The following JADE1 variants were observed in gnomAD, a reference collection of about 807,000 sequenced individuals.
JADE1 encodes the protein protein Jade-1.
In JADE1, 14 loss-of-function variants were observed where a neutral mutation model predicts 81.8. That is an observed-to-expected ratio of 0.17 (90% CI 0.11 to 0.27). JADE1 has a LOEUF of 0.27. JADE1 is among the 10% of genes least tolerant of loss of function. The pLI, the probability that JADE1 is intolerant of heterozygous loss-of-function variation, is 1.00. For missense variants in JADE1, 690 were observed against 1,047.9 expected, an observed-to-expected ratio of 0.66 and a Z score of 4.71; for synonymous variants, 353 against 391.9, an observed-to-expected ratio of 0.90 and a Z score of 1.17.
At chr4:128,813,343 A>T (rs1396156836) in intron 1 of JADE1, among the ~76,000 whole-genome samples, 9 of 151,584 alleles carry the variant, frequency 5.9e-5, no homozygotes, top group Admixed American at 5.9e-4. Context: ...TAGCAAGTAC[A>T]TGCAACCCAG....
Position 128,872,369 on chromosome 4 carries a change from A to C in JADE1, c.*107A>C. On this transcript the variant is annotated 3_prime_UTR_variant, in exon 11 of 11. Coordinates refer to ENST00000226319, the MANE Select transcript of JADE1 (RefSeq NM_199320.4). Reference sequence around the variant, plus strand: ...AACCCATTAATCCTGAGCTACACAAACACATTTACTTGCAATTCAGATTAA... The same window carrying C: ...AACCCATTAATCCTGAGCTACACAACCACATTTACTTGCAATTCAGATTAA... 1.1e-6 allele frequency: 1 copy of C among 907,594 alleles called. No individual in the cohort carries two copies. The highest frequency in any genetic ancestry group is 1.7e-6 in the Non-Finnish European group (1 of 597,172). 56.2% of individuals were successfully genotyped at this position (907,594 alleles called of 1,614,324 possible). A position where few individuals can be genotyped will look rare whatever the true frequency, so the allele number is the denominator to read the frequency against.
At chr4:128,830,664 G>A (rs1385605202) in intron 1 of JADE1, among the ~76,000 whole-genome samples, 1 of 152,198 alleles carries the variant, frequency 6.6e-6, no homozygotes, top group Non-Finnish European at 1.5e-5. Context: ...ACTTGAAAAA[G>A]CTCCCTTTCA....
At chr4:128,826,150 G>A (rs985826147) in intron 1 of JADE1, among the ~76,000 whole-genome samples, 7 of 152,164 alleles carry the variant, frequency 4.6e-5, no homozygotes, top group Non-Finnish European at 7.3e-5. Context: ...GCTCCGATAA[G>A]CTGGATAACT....
chr4:128,842,987 C>T lies in JADE1; in HGVS notation c.87C>T (p.Ser29=). 1 of 1,614,028 alleles carries T rather than the reference C, an allele frequency of 6.2e-7. No homozygotes were observed. The highest frequency in any genetic ancestry group is 8.5e-7 in the Non-Finnish European group (1 of 1,179,930). The change falls in exon 3 of 11, where the codon TCC becomes TCT. Residue 29 remains serine (S), a synonymous_variant. Coordinates refer to ENST00000226319, the MANE Select transcript of JADE1 (RefSeq NM_199320.4). ...LSTTWSQNSR[S]QHRRSSCSRH... ...CTACTTGGTCCCAGAATTCCCGATC[C>T]CAGCATAGGAGAAGCTCCTGCTCCA...
Position 128,861,829 on chromosome 4 carries a change from C to T in JADE1, c.1107C>T (p.Ser369=). Reference sequence around the variant, plus strand: ...TCAAGTCCTATTGCCCAAAGCACAGCTCACATAGGAAACCCGAGGAGAGTC... The same window carrying T: ...TCAAGTCCTATTGCCCAAAGCACAGTTCACATAGGAAACCCGAGGAGAGTC... ...VKFKSYCPKH[S]SHRKPEESLG... The change falls in exon 9 of 11, where the codon AGC becomes AGT. Residue 369 remains serine (S), a synonymous_variant. Transcript: ENST00000226319. 1 of 1,614,222 alleles carries T rather than the reference C, an allele frequency of 6.2e-7. No individual in the cohort carries two copies. The highest frequency in any genetic ancestry group is 8.5e-7 in the Non-Finnish European group (1 of 1,180,038).
intron 1 of JADE1, among the ~76,000 whole-genome samples, chr4:128,815,146 A>AAGCTCCGCCTCCCTGTG (rs1726898658): frequency 7.0e-6 from 1 of 143,664 alleles, no homozygotes; most frequent in Non-Finnish European, 1.5e-5. Context: ...GCCTCCCTGT[A>AAGCTCCGCCTCCCTGTG]AGCTCCGCCT....
chr4:128,858,081 GC>G (rs1259870346), intron 8 of JADE1, among the ~76,000 whole-genome samples: 3 of 152,036 alleles, frequency 2.0e-5, no homozygotes, highest in Non-Finnish European at 4.4e-5. Context: ...GGCACCAGGC[GC>G]GCATGCACGT....
chr4:128,866,095 G>C (rs551309012), intron 9 of JADE1, among the ~76,000 whole-genome samples: 2 of 152,346 alleles, frequency 1.3e-5, no homozygotes, highest in African/African-American at 4.8e-5. Context: ...ATATCGAAGA[G>C]AGGAGGATGT....
At chr4:128,814,644 C>A (rs1245268891) in intron 1 of JADE1, among the ~76,000 whole-genome samples, 1 of 151,090 alleles carries the variant, frequency 6.6e-6, no homozygotes, top group Non-Finnish European at 1.5e-5. Flanking sequence ...TCACTGCAAC[C>A]TATGCCTCCC....
At chr4:128,839,654 ACT>A (rs556521571) in intron 2 of JADE1, among the ~76,000 whole-genome samples, 98 of 149,634 alleles carry the variant, frequency 6.5e-4, no homozygotes, top group Middle Eastern at 3.5e-3. Context: ...TACAATATGG[ACT>A]CTTTTTTTTT....
At chr4:128,848,534 G>A (rs911724078) in intron 4 of JADE1, among the ~76,000 whole-genome samples, 1 of 152,174 alleles carries the variant, frequency 6.6e-6, no homozygotes, top group East Asian at 1.9e-4. Context: ...AGGTGTGAGG[G>A]TTGGCGGGTT....
At chr4:128,812,792 T>G (rs938396345) in intron 1 of JADE1, among the ~76,000 whole-genome samples, 1 of 152,242 alleles carries the variant, frequency 6.6e-6, no homozygotes, top group Non-Finnish European at 1.5e-5. Flanking sequence ...CTGCCTTACT[T>G]CGGCAGGGGC....
Position 128,838,279 on chromosome 4 carries a change from G to A in JADE1, c.53-4674G>A, listed in dbSNP as rs532776882. Among the ~76,000 whole-genome samples, 99 of 152,292 alleles carry A rather than the reference G, an allele frequency of 6.5e-4. 2 individuals are homozygous for A. The South Asian group carries it at 0.02, about 31-fold the overall frequency. On this transcript the variant is annotated intron_variant, in intron 2 of 10. Transcript: ENST00000226319. ...TTTCCCATGTTTAACATGAGGTAAT[G>A]TAATATAGAATTGTTTTTAACAGTG... is the stretch of plus-strand genomic sequence containing the variant.
At chr4:128,849,215 G>A in intron 5 of JADE1, 48 bp downstream of exon 5, 1 of 1,498,530 alleles carries the variant, frequency 6.7e-7, no homozygotes. Flanking sequence ...GATGAATAGA[G>A]ACATTTTAGG....
At chr4:128,815,715 C>T (rs1726970930) in intron 1 of JADE1, among the ~76,000 whole-genome samples, 1 of 152,140 alleles carries the variant, frequency 6.6e-6, no homozygotes, top group South Asian at 2.1e-4. Flanking sequence ...GTTCTGCTTG[C>T]TGCTTTACTT....
chr4:128,855,656 A>C lies in JADE1; in HGVS notation c.723A>C (p.Pro241=). The change falls in exon 7 of 11, where the codon CCA becomes CCC. Residue 241 remains proline, a synonymous_variant. Coordinates refer to ENST00000226319, the MANE Select transcript of JADE1 (RefSeq NM_199320.4). ...CCTGTTATGGAATCCTCAAGGTACC[A>C]GAGGGCAGCTGGCTGTGCCGGACAT... is the stretch of plus-strand genomic sequence containing the variant. ...HQACYGILKV[P]EGSWLCRTCA... 2 of 1,613,878 alleles carry C rather than the reference A, an allele frequency of 1.2e-6. No individual in the cohort carries two copies. The highest frequency in any genetic ancestry group is 1.7e-6 in the Non-Finnish European group (2 of 1,179,838).
Position 128,831,774 on chromosome 4 carries a change from C to T in JADE1, c.16C>T (p.Leu6Phe), listed in dbSNP as rs1260001001. The change falls in exon 2 of 11, where the codon CTT becomes TTT. Residue 6 changes from leucine to phenylalanine, a missense_variant. Physicochemically the swap from Leu to Phe is conservative, Grantham distance 22 (BLOSUM62 0). This residue lies in a region of JADE1 where 59 missense variants were observed against 52.8 expected (regional missense o/e 1.12). Transcript: ENST00000226319. The stretch of plus-strand genomic sequence containing the variant: ...CGGGGAGATCATGAAACGAGGTCGC[C>T]TTCCCAGCAGCAGTGAGGATTCTGA... MKRGRLPSSSEDSDDN... is the reference protein window; with the variant it reads MKRGRFPSSSEDSDDN... The T allele has an allele frequency of 1.2e-6, 2 of 1,614,078 alleles. No individual in the cohort carries two copies. Among genetic ancestry groups the T allele is most frequent in the Admixed American group, 1.7e-5 (1 of 59,994 alleles).
intron 1 of JADE1, among the ~76,000 whole-genome samples, chr4:128,821,291 C>T (rs867188837): frequency 7.9e-5 from 12 of 152,150 alleles, no homozygotes; most frequent in African/African-American, 2.4e-4. Flanking sequence ...CTTTATCTCT[C>T]TTGGTGATAG....
chr4:128,860,528 G>T (rs947786927), intron 8 of JADE1, among the ~76,000 whole-genome samples: 2 of 152,216 alleles, frequency 1.3e-5, no homozygotes, highest in African/African-American at 4.8e-5. Flanking sequence ...GCTTGAAGCC[G>T]CTGGATTCTA....
Sources: allele counts gnomAD v4.1 joint callset (sites outside exome capture counted in the v4.1 genomes callset), GRCh38; gene constraint gnomAD v4.1.1; regional missense constraint gnomAD v4.1.1; transcripts MANE v1.5; gene names NCBI Gene and HGNC (gene_info 2026-07-23, HGNC 2026-07-21).